Variants in WAC observed in about 807,000 individuals in gnomAD.
WAC encodes the protein WW domain-containing adapter protein with coiled-coil.
In WAC, 11 loss-of-function variants were observed where a neutral mutation model predicts 79.6. That is an observed-to-expected ratio of 0.14 (90% CI 0.09 to 0.23). The LOEUF (loss-of-function observed/expected upper bound fraction) is 0.23, where lower values mean the gene tolerates loss of function less well. WAC is among the 10% of genes least tolerant of loss of function. The probability of loss-of-function intolerance (pLI) is 1.00; values close to 1 mark genes in which losing one functional copy is unlikely to be tolerated. For synonymous variants in WAC, 304 were observed against 276.9 expected (o/e 1.10, Z -0.97); for missense variants, 728 against 773.5 (o/e 0.94, Z 0.70).
intron 3 of WAC, among the ~76,000 whole-genome samples, chr10:28,576,622 T>C (rs1440988005): frequency 1.3e-5 from 2 of 152,248 alleles, no homozygotes; most frequent in Non-Finnish European, 2.9e-5. Flanking sequence ...CTGGAAAATT[T>C]AGCATGCTGT....
chr10:28,541,708 GTATT>G (rs750876995), intron 3 of WAC, among the ~76,000 whole-genome samples: 79 of 152,174 alleles, frequency 5.2e-4, no homozygotes, highest in Non-Finnish European at 1.0e-3. Context: ...AAATTATAAA[GTATT>G]TAGCCTACTG....
At position 28,559,810 on chromosome 10, in the gene WAC, A is replaced by G. The variant is rs551316902; in HGVS notation, c.275-23589A>G. ...AGTTAGCTTGAGCGGGGAGTGAGAC[A>G]TGACTTCGTGTCACATTTCATTGCC... On this transcript the variant is annotated intron_variant, in intron 3 of 13. Transcript: ENST00000354911. Among the ~76,000 whole-genome samples the G allele has an allele frequency of 3.9e-5, 6 of 152,328 alleles. No homozygotes were observed. The South Asian group carries it at 6.2e-4, about 16-fold the overall frequency.
intron 3 of WAC, among the ~76,000 whole-genome samples, chr10:28,580,401 C>T (rs1839473010): frequency 6.6e-6 from 1 of 152,154 alleles, no homozygotes; most frequent in Admixed American, 6.5e-5. Flanking sequence ...GGTCAATAGA[C>T]CTCATTTGTA....
intron 4 of WAC, among the ~76,000 whole-genome samples, chr10:28,588,364 G>A (rs959315157): frequency 6.6e-6 from 1 of 152,108 alleles, no homozygotes; most frequent in Non-Finnish European, 1.5e-5. Flanking sequence ...CATTATTTTG[G>A]GATGTAAACC....
intron 13 of WAC, among the ~76,000 whole-genome samples, chr10:28,618,901 A>G (rs1385283792): frequency 6.6e-6 from 1 of 152,252 alleles, no homozygotes; most frequent in Non-Finnish European, 1.5e-5. Context: ...TTCATGTATA[A>G]TAGCTACTGC....
intron 3 of WAC, among the ~76,000 whole-genome samples, chr10:28,577,708 A>AG (rs1170380998): frequency 2.6e-5 from 4 of 152,144 alleles, no homozygotes; most frequent in Non-Finnish European, 5.9e-5. Context: ...CTGTAAGTGA[A>AG]GAGGGTATGA....
intron 13 of WAC, 78 bp from the exon 14 acceptor site, chr10:28,619,459 A>AT (rs1406745269): frequency 5.5e-6 from 6 of 1,100,478 alleles, no homozygotes; most frequent in African/African-American, 5.0e-5. Flanking sequence ...AATTTAAAAA[A>AT]TTTTAATTAT....
chr10:28,563,031 T>C (rs1222850255), intron 3 of WAC, among the ~76,000 whole-genome samples: 2 of 152,204 alleles, frequency 1.3e-5, no homozygotes, highest in Admixed American at 6.5e-5. Context: ...TGGAGTTAGG[T>C]ACAAAGAACT....
intron 5 of WAC, 146 bp downstream of exon 5, chr10:28,589,997 T>C: frequency 1.6e-6 from 1 of 606,878 alleles, no homozygotes; most frequent in Non-Finnish European, 2.9e-6. Flanking sequence ...TGCCCCTTCG[T>C]GTTTTCCATA....
chr10:28,544,420 A>G (rs1837239991), intron 3 of WAC, among the ~76,000 whole-genome samples: 1 of 152,206 alleles, frequency 6.6e-6, no homozygotes, highest in South Asian at 2.1e-4. Context: ...TAGATGACCT[A>G]ACATGCTACT....
At position 28,616,155 on chromosome 10, in the gene WAC, T is replaced by C. The variant is rs751888379; in HGVS notation, c.1557-18T>C. ...AAACTACTTTTAAACATACTACACATTCAATTCTGTTTTCTAGTAGCCAGA... is the reference window on the plus strand; with the variant it reads ...AAACTACTTTTAAACATACTACACACTCAATTCTGTTTTCTAGTAGCCAGA... On this transcript the variant is annotated intron_variant, in intron 11 of 13. Transcript: ENST00000354911. The C allele has an allele frequency of 1.3e-6, 2 of 1,567,368 alleles. No homozygotes were observed. The highest frequency in any genetic ancestry group is 1.2e-5 in the South Asian group (1 of 85,722).
chr10:28,544,459 G>A (rs1837242449), intron 3 of WAC, among the ~76,000 whole-genome samples: 1 of 152,194 alleles, frequency 6.6e-6, no homozygotes, highest in African/African-American at 2.4e-5. Flanking sequence ...GTCCATCCCT[G>A]TAGGATTGTT....
chr10:28,570,795 G>A (rs1324918888), intron 3 of WAC, among the ~76,000 whole-genome samples: 3 of 152,090 alleles, frequency 2.0e-5, no homozygotes, highest in Non-Finnish European at 4.4e-5. Context: ...ATTGGTCAGG[G>A]AAAGGCTGAC....
intron 7 of WAC, 99 bp downstream of exon 7, chr10:28,596,140 A>G: frequency 7.8e-7 from 1 of 1,281,796 alleles, no homozygotes; most frequent in Non-Finnish European, 1.1e-6. Context: ...TCTGAATTAT[A>G]AATTTTTAAA....
intron 3 of WAC, among the ~76,000 whole-genome samples, 166 bp from the exon 4 acceptor site, chr10:28,583,233 A>G (rs1839631055): frequency 6.6e-6 from 1 of 152,108 alleles, no homozygotes; most frequent in South Asian, 2.1e-4. Context: ...GTAGGTTCAC[A>G]GATACTTTAT....
At chr10:28,582,359 C>T (rs575240132) in intron 3 of WAC, among the ~76,000 whole-genome samples, 1 of 152,194 alleles carries the variant, frequency 6.6e-6, no homozygotes, top group South Asian at 2.1e-4. Context: ...ACTTGGATAT[C>T]TAAAACCTTA....
chr10:28,552,947 A>G (rs965662400), intron 3 of WAC, among the ~76,000 whole-genome samples: 1 of 148,956 alleles, frequency 6.7e-6, no homozygotes, highest in Non-Finnish European at 1.5e-5. Flanking sequence ...AGACCTGTAC[A>G]GGAGAGCCTT....
At chr10:28,595,371 T>C (rs1840304973) in intron 6 of WAC, among the ~76,000 whole-genome samples, 1 of 152,220 alleles carries the variant, frequency 6.6e-6, no homozygotes, top group Non-Finnish European at 1.5e-5. Context: ...TTTTTCTGCC[T>C]TTAAAACATT....
intron 11 of WAC, 60 bp from the exon 12 acceptor site, chr10:28,616,113 A>G: frequency 7.5e-7 from 1 of 1,335,558 alleles, no homozygotes. Context: ...TGCAGTTTCT[A>G]GGATAAGGAT....
Sources: gnomAD v4.1 joint callset for allele counts (sites outside exome capture counted in the v4.1 genomes callset) on GRCh38, gnomAD v4.1.1 for gene constraint, MANE v1.5 for transcripts, NCBI Gene and HGNC (gene_info 2026-07-23, HGNC 2026-07-21) for gene names.